The following PTPRK variants were observed in gnomAD, a reference collection of about 807,000 sequenced individuals.
The protein encoded by PTPRK is receptor-type tyrosine-protein phosphatase kappa.
A neutral mutation model predicts 178.0 loss-of-function variants in PTPRK; 75 were observed. That is an observed-to-expected ratio of 0.42 (90% confidence interval 0.35 to 0.51). The LOEUF (loss-of-function observed/expected upper bound fraction) is 0.51, where lower values mean the gene tolerates loss of function less well. Among genes scored for constraint, PTPRK ranks in the 20% least tolerant of loss-of-function variants. The probability of loss-of-function intolerance (pLI) is 0.02; values close to 1 mark genes in which losing one functional copy is unlikely to be tolerated. For missense variants in PTPRK, 1,441 were observed against 1,797.8 expected (o/e 0.80, Z 3.59); for synonymous variants, 637 against 620.6 (o/e 1.03, Z -0.39).
chr6:128,301,503 A>C (rs984109938), intron 3 of PTPRK, among the ~76,000 whole-genome samples: 2 of 152,064 alleles, frequency 1.3e-5, no homozygotes, highest in Non-Finnish European at 2.9e-5. Context: ...CATTAATATT[A>C]TTAGTTACGA....
chr6:128,434,980 C>A lies in PTPRK; in HGVS notation c.101-37292G>T, dbSNP rs187865769. ...TCAAGGTTGCAGGCAGGCAGGCAGG[C>A]AGGCAGGCAGGCAGGCAGGCATAGA... On this transcript the variant is annotated intron_variant, in intron 1 of 29. Transcript: ENST00000368226. Among the ~76,000 whole-genome samples, 13 of 149,856 alleles carry A rather than the reference C, an allele frequency of 8.7e-5. No individual in the cohort carries two copies. The East Asian group carries it at 2.3e-3, about 27-fold the overall frequency.
At chr6:128,103,243 C>G (rs2114278985) in intron 7 of PTPRK, among the ~76,000 whole-genome samples, 1 of 152,192 alleles carries the variant, frequency 6.6e-6, no homozygotes, top group African/African-American at 2.4e-5. Flanking sequence ...CCCACTCCAC[C>G]CCCTTTCCGG....
At chr6:128,241,205 C>G in intron 4 of PTPRK, 1 of 532,608 alleles carries the variant, frequency 1.9e-6, no homozygotes, top group Non-Finnish European at 3.9e-6. Context: ...CTGGCTACAT[C>G]TTTCTCTAGT....
At chr6:128,135,021 A>ATTTCAGACTTATCAGC (rs1471022381) in intron 7 of PTPRK, among the ~76,000 whole-genome samples, 4 of 151,646 alleles carry the variant, frequency 2.6e-5, no homozygotes, top group African/African-American at 4.9e-5. Flanking sequence ...CGCCCTGCAG[A>ATTTCAGACTTATCAGC]TTTCAGACTT....
intron 7 of PTPRK, among the ~76,000 whole-genome samples, chr6:128,097,708 C>T (rs1788135809): frequency 6.6e-6 from 1 of 152,080 alleles, no homozygotes; most frequent in Non-Finnish European, 1.5e-5. Flanking sequence ...ACATCACATT[C>T]ACATGTTATT....
At chr6:128,453,645 C>T (rs1182637597) in intron 1 of PTPRK, among the ~76,000 whole-genome samples, 3 of 152,136 alleles carry the variant, frequency 2.0e-5, no homozygotes, top group African/African-American at 4.8e-5. Context: ...TCCATATGCT[C>T]TGATAAAGTT....
intron 1 of PTPRK, among the ~76,000 whole-genome samples, chr6:128,417,158 T>C (rs1185906073): frequency 6.6e-6 from 1 of 152,004 alleles, no homozygotes; most frequent in Non-Finnish European, 1.5e-5. Context: ...GTAATTCCTT[T>C]TTTTTCTTGA....
chr6:128,275,876 T>C lies in PTPRK; in HGVS notation c.496-33274A>G, dbSNP rs9491934. ...CTCATAAGGTTCTTTCAAAATTTAATGTCTTATTTTTCTTTGCCACATGAT... is the reference window on the plus strand; with the variant it reads ...CTCATAAGGTTCTTTCAAAATTTAACGTCTTATTTTTCTTTGCCACATGAT... On this transcript the variant is annotated intron_variant, in intron 3 of 29. Coordinates refer to ENST00000368226, the MANE Select transcript of PTPRK (RefSeq NM_002844.4). Among the ~76,000 whole-genome samples the C allele has an allele frequency of 2.3e-3, 345 of 152,164 alleles. 1 individual carries two copies. The highest frequency in any genetic ancestry group is 8.0e-3 in the African/African-American group (333 of 41,572).
At chr6:128,204,072 C>T (rs1421472874) in intron 6 of PTPRK, among the ~76,000 whole-genome samples, 1 of 152,056 alleles carries the variant, frequency 6.6e-6, no homozygotes, top group African/African-American at 2.4e-5. Context: ...GATACAAGAA[C>T]AAACACATAG....
At chr6:128,058,956 T>C (rs1301150375) in intron 13 of PTPRK, among the ~76,000 whole-genome samples, 3 of 152,064 alleles carry the variant, frequency 2.0e-5, no homozygotes, top group Non-Finnish European at 4.4e-5. Context: ...CCTACAGTTT[T>C]ACCTTTGTCA....
At chr6:128,309,578 C>CGTCAAA (rs1292860467) in intron 3 of PTPRK, among the ~76,000 whole-genome samples, 1 of 152,068 alleles carries the variant, frequency 6.6e-6, no homozygotes, top group Non-Finnish European at 1.5e-5. Context: ...GAGTTACTGC[C>CGTCAAA]GTCAAAGTCT....
At chr6:128,072,272 CT>C in intron 11 of PTPRK, among the ~76,000 whole-genome samples, 1 of 152,032 alleles carries the variant, frequency 6.6e-6, no homozygotes, top group South Asian at 2.1e-4. Flanking sequence ...ACATATTTTA[CT>C]ACATTATATG....
At chr6:128,465,921 G>A (rs900777113) in intron 1 of PTPRK, among the ~76,000 whole-genome samples, 2 of 152,018 alleles carry the variant, frequency 1.3e-5, no homozygotes, top group East Asian at 1.9e-4. Context: ...TCAAGCTCTC[G>A]GCCCATTGTC....
chr6:128,302,663 G>C (rs916107162), intron 3 of PTPRK, among the ~76,000 whole-genome samples: 4 of 150,710 alleles, frequency 2.7e-5, no homozygotes, highest in African/African-American at 9.7e-5. Context: ...TACTTAACTC[G>C]TTATATGTTG....
At chr6:128,035,137 C>T (rs1215232434) in intron 13 of PTPRK, among the ~76,000 whole-genome samples, 5 of 152,112 alleles carry the variant, frequency 3.3e-5, no homozygotes, top group South Asian at 2.1e-4. Flanking sequence ...GAGGCCGAGG[C>T]GGGCAGATCA....
chr6:128,003,268 C>T (rs769623040), intron 15 of PTPRK: 44 of 1,552,486 alleles, frequency 2.8e-5, no homozygotes, highest in Non-Finnish European at 3.8e-5. Context: ...GAATATATTG[C>T]TCTAAAATTG....
intron 1 of PTPRK, among the ~76,000 whole-genome samples, chr6:128,439,462 T>C (rs1846024815): frequency 6.6e-6 from 1 of 152,188 alleles, no homozygotes; most frequent in Non-Finnish European, 1.5e-5. Flanking sequence ...ATAGAACTAA[T>C]TCAAGCATGA....
At position 128,009,138 on chromosome 6, in the gene PTPRK, T is replaced by C. The variant is rs1184622157; in HGVS notation, c.2325A>G (p.Val775=). 1 of 1,608,476 alleles carries C rather than the reference T, an allele frequency of 6.2e-7. No homozygotes were observed. Among genetic ancestry groups the C allele is most frequent in the East Asian group, 2.2e-5 (1 of 44,706 alleles). The stretch of plus-strand genomic sequence containing the variant: ...ACAATATTAGGCCTTACCTCTTTTT[T>C]ACAATTAATATGACAACTAGGAGAA... The part of the protein sequence containing the change: ...ILLLLVVILI[V]KKSKLAKKRK... The change falls in exon 14 of 30, where the codon GTA becomes GTG. Residue 775 remains valine, a synonymous_variant. Coordinates refer to ENST00000368226, the MANE Select transcript of PTPRK (RefSeq NM_002844.4).
intron 7 of PTPRK, among the ~76,000 whole-genome samples, chr6:128,153,573 A>G (rs1452618950): frequency 1.3e-5 from 2 of 151,950 alleles, no homozygotes; most frequent in African/African-American, 2.4e-5. Context: ...TACAATTAGC[A>G]TTATATTTTT....
Sources: gnomAD v4.1 joint callset for allele counts (sites outside exome capture counted in the v4.1 genomes callset) on GRCh38, gnomAD v4.1.1 for gene constraint, MANE v1.5 for transcripts, NCBI Gene and HGNC (gene_info 2026-07-23, HGNC 2026-07-21) for gene names.